The following PLXDC2 variants were observed in gnomAD, a reference collection of about 807,000 sequenced individuals.
PLXDC2 encodes plexin domain containing 2.
PLXDC2 carries 40 observed loss-of-function variants against 68.9 expected under a neutral mutation model. The ratio of observed to expected loss-of-function variants is 0.58; its 90% confidence interval spans 0.45 to 0.76. The LOEUF (loss-of-function observed/expected upper bound fraction) is 0.76, where lower values mean the gene tolerates loss of function less well. PLXDC2 is among the 30% of genes least tolerant of loss of function. The pLI is 0.00. For synonymous variants in PLXDC2, 243 were observed against 234.2 expected (o/e 1.04, Z -0.34); for missense variants, 644 against 661.9 (o/e 0.97, Z 0.30).
intron 1 of PLXDC2, among the ~76,000 whole-genome samples, chr10:19,856,889 A>G (rs939965759): frequency 2.7e-4 from 41 of 152,230 alleles, no homozygotes. Flanking sequence ...GAAATCAATC[A>G]TTGCTGAAAT....
intron 9 of PLXDC2, among the ~76,000 whole-genome samples, chr10:20,193,872 A>G (rs376803650): frequency 2.1e-4 from 32 of 152,130 alleles, no homozygotes; most frequent in African/African-American, 7.5e-4. Context: ...GCATTTAGTA[A>G]TTTGATATTT....
intron 4 of PLXDC2, among the ~76,000 whole-genome samples, chr10:20,133,065 A>G (rs1395627988): frequency 1.3e-5 from 2 of 152,194 alleles, no homozygotes; most frequent in Admixed American, 6.5e-5. Flanking sequence ...TAAACTGATA[A>G]CAATGTAACT....
At chr10:19,839,731 C>T (rs1377125382) in intron 1 of PLXDC2, among the ~76,000 whole-genome samples, 1 of 151,242 alleles carries the variant, frequency 6.6e-6, no homozygotes, top group African/African-American at 2.4e-5. Flanking sequence ...TTTTGTTAAA[C>T]AGATACTAGA....
intron 1 of PLXDC2, among the ~76,000 whole-genome samples, chr10:19,884,702 A>G (rs1281580739): frequency 2.6e-5 from 4 of 152,322 alleles, no homozygotes; most frequent in South Asian, 2.1e-4. Context: ...TTATGGCTGC[A>G]TAGTATTCCA....
intron 1 of PLXDC2, among the ~76,000 whole-genome samples, chr10:19,843,511 T>C (rs949907200): frequency 1.3e-5 from 2 of 151,676 alleles, no homozygotes; most frequent in African/African-American, 4.8e-5. Flanking sequence ...AAAATAAACA[T>C]TAGAAAATAA....
At chr10:19,863,776 C>A (rs549491609) in intron 1 of PLXDC2, among the ~76,000 whole-genome samples, 5 of 151,320 alleles carry the variant, frequency 3.3e-5, no homozygotes, top group African/African-American at 1.2e-4. Flanking sequence ...GAGTAAAAAC[C>A]GTTTTCTTTT....
chr10:20,004,357 G>T (rs1834990585), intron 2 of PLXDC2, among the ~76,000 whole-genome samples: 1 of 152,194 alleles, frequency 6.6e-6, no homozygotes, highest in African/African-American at 2.4e-5. Context: ...TCTATAAGAG[G>T]CTATTCTGAC....
chr10:20,118,369 G>A (rs916329302), intron 4 of PLXDC2, among the ~76,000 whole-genome samples: 1 of 152,088 alleles, frequency 6.6e-6, no homozygotes, highest in Admixed American at 6.5e-5. Flanking sequence ...TGGCTCCTGG[G>A]CTGGGGGAGA....
intron 1 of PLXDC2, among the ~76,000 whole-genome samples, chr10:19,905,792 C>G (rs990001395): frequency 2.0e-5 from 3 of 152,010 alleles, no homozygotes; most frequent in African/African-American, 7.3e-5. Flanking sequence ...GGATATAAGC[C>G]AAATTAATTT....
rs1048812200 is a variant in PLXDC2 at position 19,816,853 on chromosome 10, A to T, written c.-227A>T. On this transcript the variant is annotated 5_prime_UTR_variant, in exon 1 of 14. Coordinates refer to ENST00000377252, the MANE Select transcript of PLXDC2 (RefSeq NM_032812.9). ...GTCGGGTGAGGGCTGCGAGTGTGGC[A>T]AGTTGCAAAGAGAGCCTCAGAGGTC... 1 of 571,098 alleles carries T rather than the reference A, an allele frequency of 1.8e-6. No individual in the cohort carries two copies. Among genetic ancestry groups the T allele is most frequent in the African/African-American group, 1.9e-5 (1 of 53,158 alleles). The allele number at this position is 571,098 out of a possible 1,614,324, so 35.4% of individuals were successfully genotyped here.
chr10:19,880,626 C>T (rs1837710263), intron 1 of PLXDC2, among the ~76,000 whole-genome samples: 2 of 152,116 alleles, frequency 1.3e-5, no homozygotes, highest in South Asian at 4.1e-4. Context: ...AGAAATGTTG[C>T]TGAAGTGATA....
At chr10:19,948,957 C>G (rs1343385550) in intron 1 of PLXDC2, among the ~76,000 whole-genome samples, 1 of 151,638 alleles carries the variant, frequency 6.6e-6, no homozygotes, top group Non-Finnish European at 1.5e-5. Flanking sequence ...TGGTGAAACC[C>G]TGTCTTTACT....
chr10:20,148,169 GTAAT>G (rs1834103946), intron 6 of PLXDC2, among the ~76,000 whole-genome samples: 1 of 151,886 alleles, frequency 6.6e-6, no homozygotes, highest in African/African-American at 2.4e-5. Flanking sequence ...TAATTATTGA[GTAAT>G]TAGAGTGAAA....
At chr10:19,947,028 A>T (rs1224111198) in intron 1 of PLXDC2, among the ~76,000 whole-genome samples, 4 of 152,120 alleles carry the variant, frequency 2.6e-5, no homozygotes, top group Non-Finnish European at 2.9e-5. Context: ...AAGGGTCCTT[A>T]TAAGTAAAAA....
chr10:19,902,215 G>T (rs1030803763), intron 1 of PLXDC2, among the ~76,000 whole-genome samples: 3 of 151,944 alleles, frequency 2.0e-5, no homozygotes, highest in African/African-American at 4.8e-5. Flanking sequence ...AAAAATCATA[G>T]CAGTATTTTG....
intron 4 of PLXDC2, among the ~76,000 whole-genome samples, chr10:20,101,223 C>T (rs1401223307): frequency 5.3e-5 from 8 of 151,990 alleles, no homozygotes; most frequent in Admixed American, 5.2e-4. Context: ...CACATTCTTC[C>T]AAAGTAGGCG....
chr10:20,109,590 T>G (rs915994051), intron 4 of PLXDC2, among the ~76,000 whole-genome samples: 1 of 152,178 alleles, frequency 6.6e-6, no homozygotes, highest in Non-Finnish European at 1.5e-5. Flanking sequence ...AGTTTGATAT[T>G]CTTAATGATT....
chr10:20,082,483 A>G (rs1836585906), intron 4 of PLXDC2, among the ~76,000 whole-genome samples: 1 of 142,918 alleles, frequency 7.0e-6, no homozygotes, highest in African/African-American at 2.8e-5. Context: ...AATAATACAT[A>G]ATATCACTCC....
At chr10:19,826,003 A>G (rs1433012455) in intron 1 of PLXDC2, among the ~76,000 whole-genome samples, 3 of 152,242 alleles carry the variant, frequency 2.0e-5, no homozygotes, top group African/African-American at 7.2e-5. Context: ...TCTTCAATTC[A>G]TTGAAAAATG....
Sources: allele counts gnomAD v4.1 joint callset (sites outside exome capture counted in the v4.1 genomes callset), GRCh38; gene constraint gnomAD v4.1.1; transcripts MANE v1.5; gene names NCBI Gene and HGNC (gene_info 2026-07-23, HGNC 2026-07-21).